KIAA1217: variants seen among roughly 807,000 people sequenced by gnomAD.
KIAA1217 encodes sickle tail protein homolog.
In KIAA1217, 88 loss-of-function variants were observed where a neutral mutation model predicts 163.9. That is an observed-to-expected ratio of 0.54 (90% CI 0.45 to 0.64). The LOEUF (loss-of-function observed/expected upper bound fraction) is 0.64. Among genes scored for constraint, KIAA1217 ranks in the 30% least tolerant of loss-of-function variants. The probability of loss-of-function intolerance (pLI) is 0.00; values close to 1 mark genes in which losing one functional copy is unlikely to be tolerated. For synonymous variants in KIAA1217, 903 were observed against 923.1 expected (o/e 0.98, Z 0.39); for missense variants, 2,372 against 2,475.0 (o/e 0.96, Z 0.88).
At chr10:23,784,163 T>C (rs1318566677) in intron 1 of KIAA1217, among the ~76,000 whole-genome samples, 1 of 152,176 alleles carries the variant, frequency 6.6e-6, no homozygotes, top group Non-Finnish European at 1.5e-5. Flanking sequence ...TCTTAATGAA[T>C]TGACCCCTTT....
chr10:23,721,197 A>T (rs1837859024), intron 1 of KIAA1217, among the ~76,000 whole-genome samples: 1 of 152,038 alleles, frequency 6.6e-6, no homozygotes, highest in African/African-American at 2.4e-5. Context: ...TTCCAAAGTG[A>T]CTCTAGGAAT....
At chr10:24,040,425 T>C (rs1321053014) in intron 2 of KIAA1217, among the ~76,000 whole-genome samples, 4 of 152,194 alleles carry the variant, frequency 2.6e-5, no homozygotes, top group African/African-American at 9.6e-5. Flanking sequence ...ATGAAGGAAC[T>C]GAAGACACCT....
chr10:23,721,929 G>A (rs1244988988), intron 1 of KIAA1217, among the ~76,000 whole-genome samples: 1 of 151,402 alleles, frequency 6.6e-6, no homozygotes, highest in East Asian at 1.9e-4. Flanking sequence ...ATATTTCCTT[G>A]TTGCAATCCA....
In KIAA1217 at chr10:24,531,980, A is replaced by G. The variant is rs1013217649; in HGVS notation, c.3233A>G (p.Asn1078Ser). Residue 1078 changes from asparagine (N) to serine (S), a missense_variant, in exon 15 of 21, where the codon AAC (asparagine) becomes AGC (serine). Asn to Ser is a conservative substitution (Grantham distance 46, BLOSUM62 1). Around this residue, in one of 3 missense-constraint regions of KIAA1217, gnomAD observed 1,431 missense variants for 1,470.3 expected, o/e 0.97. Transcript: ENST00000376454. ...GTGGTCTACACCGGCAGAAAGGAGA[A>G]CATCACCGCTAAGGTCTGATAGGCT... The part of the protein sequence containing the change: ...GDVVYTGRKE[N>S]ITAKASSEDA... 7.0e-6 allele frequency: 11 copies of G among 1,576,118 alleles called. No homozygotes were observed. The highest frequency in any genetic ancestry group is 8.6e-6 in the Non-Finnish European group (10 of 1,156,886).
chr10:23,937,663 C>T (rs1239136760), intron 1 of KIAA1217, among the ~76,000 whole-genome samples: 1 of 152,154 alleles, frequency 6.6e-6, no homozygotes, highest in Non-Finnish European at 1.5e-5. Context: ...TTCCCCATGG[C>T]ACCTTAACTT....
chr10:24,316,737 GTATC>G (rs143430911), intron 2 of KIAA1217, among the ~76,000 whole-genome samples: 33,239 of 151,936 alleles, frequency 0.22, 3,954 homozygotes, highest in Non-Finnish European at 0.24. Flanking sequence ...GTCACCATTT[GTATC>G]TATCAGGAAG....
intron 2 of KIAA1217, among the ~76,000 whole-genome samples, chr10:24,145,571 T>C (rs540956085): frequency 6.6e-6 from 1 of 151,948 alleles, no homozygotes; most frequent in East Asian, 1.9e-4. Context: ...TGAAGGGGAG[T>C]TTATTACGGA....
chr10:24,360,040 C>CATTTTTTTTTT (rs55881849), intron 2 of KIAA1217, among the ~76,000 whole-genome samples: 17 of 94,282 alleles, frequency 1.8e-4, no homozygotes, highest in African/African-American at 2.7e-4. Context: ...GATATAATTA[C>CATTTTTTTTTT]TTTTTTTTTT....
At chr10:24,084,930 T>G (rs1353960439) in intron 2 of KIAA1217, among the ~76,000 whole-genome samples, 4 of 147,952 alleles carry the variant, frequency 2.7e-5, no homozygotes, top group Admixed American at 2.7e-4. Flanking sequence ...TTTTTTTTTT[T>G]TGAGACGGAG....
chr10:24,139,738 T>A (rs1372032566), intron 2 of KIAA1217, among the ~76,000 whole-genome samples: 2 of 152,210 alleles, frequency 1.3e-5, no homozygotes, highest in Non-Finnish European at 2.9e-5. Flanking sequence ...TGATTTAATA[T>A]ATACAGTAGT....
rs116440321 is a variant in KIAA1217, at chr10:23,745,683, A to G, written c.-321+50449A>G. ...GCTTGTGAAGGCTATTTGTAACTGT[A>G]CTTGGCCCACCGATAATTTGTAGCC... is the stretch of plus-strand genomic sequence containing the variant. On this transcript the variant is annotated intron_variant, in intron 1 of 18. Transcript: ENST00000376462. Among the ~76,000 whole-genome samples the G allele has an allele frequency of 9.1e-3, 1,380 of 152,254 alleles. 20 individuals carry two copies. Among genetic ancestry groups the G allele is most frequent in the African/African-American group, 0.032 (1,314 of 41,542 alleles).
At chr10:24,421,577 A>G (rs906389428) in intron 3 of KIAA1217, among the ~76,000 whole-genome samples, 1 of 152,232 alleles carries the variant, frequency 6.6e-6, no homozygotes, top group Admixed American at 6.5e-5. Flanking sequence ...AAATTTTAAA[A>G]CAATCCTTCT....
intron 1 of KIAA1217, among the ~76,000 whole-genome samples, chr10:23,934,304 A>G (rs1015055286): frequency 2.0e-5 from 3 of 150,998 alleles, no homozygotes; most frequent in African/African-American, 4.9e-5. Context: ...ACCAAACACC[A>G]TATGTTCTCA....
rs78642662 is a variant in KIAA1217 at position 23,841,150 on chromosome 10, A to T, written c.-321+145916A>T. On this transcript the variant is annotated intron_variant, in intron 1 of 18. Coordinates refer to the KIAA1217 transcript ENST00000376462. ...AAGCACTATATATGTGACTTTTATT[A>T]CTATTAGTGCTTTGTGATAAATTTA... Among the ~76,000 whole-genome samples, 992 of 152,336 alleles carry T rather than the reference A, an allele frequency of 6.5e-3. 36 individuals carry two copies. Among genetic ancestry groups the T allele is most frequent in the Admixed American group, 0.045 (687 of 15,294 alleles).
At chr10:23,889,683 A>C (rs1346776414) in intron 1 of KIAA1217, among the ~76,000 whole-genome samples, 1 of 102,104 alleles carries the variant, frequency 9.8e-6, no homozygotes, top group African/African-American at 5.3e-5. Flanking sequence ...AAATGCTTTT[A>C]AGTTTATTGA....
chr10:24,213,586 G>A (rs2068436803), intron 1 of KIAA1217, among the ~76,000 whole-genome samples: 1 of 151,916 alleles, frequency 6.6e-6, no homozygotes, highest in African/African-American at 2.4e-5. Context: ...TATTTCAAAT[G>A]TGGACTCCTC....
intron 1 of KIAA1217, among the ~76,000 whole-genome samples, chr10:23,904,727 T>C (rs977117123): frequency 4.8e-4 from 73 of 152,220 alleles, no homozygotes; most frequent in African/African-American, 1.6e-3. Flanking sequence ...AGGTACAATC[T>C]TGTGGCCCAG....
At chr10:24,233,080 A>G (rs2071680969) in intron 2 of KIAA1217, among the ~76,000 whole-genome samples, 1 of 152,018 alleles carries the variant, frequency 6.6e-6, no homozygotes, top group South Asian at 2.1e-4. Flanking sequence ...AGTCATGATC[A>G]TTCCACCATA....
Position 24,381,063 on chromosome 10 carries a change from T to C in KIAA1217, c.549T>C (p.Ser183=), listed in dbSNP as rs911479165. 3.2e-6 allele frequency: 5 copies of C among 1,556,716 alleles called. No homozygotes were observed. Among genetic ancestry groups the C allele is most frequent in the Non-Finnish European group, 4.3e-6 (5 of 1,150,152 alleles). ...CAACCAACCAGACGAAAGAAAGATC[T>C]CTGGGTAAGCTTTAGAAGGCAGTTT... is the stretch of plus-strand genomic sequence containing the variant. ...VRSTNQTKER[S]LGVLYLQYGD... The change falls in exon 3 of 21, where the codon TCT becomes TCC. Residue 183 remains serine (S), a synonymous_variant. Coordinates refer to ENST00000376454, the MANE Select transcript of KIAA1217 (RefSeq NM_019590.5).
Sources: gnomAD v4.1 joint callset for allele counts (sites outside exome capture counted in the v4.1 genomes callset) on GRCh38, gnomAD v4.1.1 for gene constraint, gnomAD v4.1.1 regional missense constraint, MANE v1.5 for transcripts, NCBI Gene and HGNC (gene_info 2026-07-23, HGNC 2026-07-21) for gene names.